PSMD14: variants seen among roughly 807,000 people sequenced by gnomAD.
PSMD14 encodes proteasome 26S subunit, non-ATPase 14, also known as ubiquitin C-terminal hydrolase PSMD14.
In PSMD14, 7 loss-of-function variants were observed where a neutral mutation model predicts 41.2. The observed-to-expected ratio is 0.17, with a 90% confidence interval of 0.10 to 0.32. The LOEUF (loss-of-function observed/expected upper bound fraction) is 0.32, where lower values mean the gene tolerates loss of function less well. PSMD14 is among the 10% of genes least tolerant of loss of function. PSMD14 has a pLI of 1.00. For missense variants in PSMD14, 139 were observed against 375.6 expected, an observed-to-expected ratio of 0.37 and a Z score of 5.21; for synonymous variants, 114 against 122.3, an observed-to-expected ratio of 0.93 and a Z score of 0.45.
intron 3 of PSMD14, among the ~76,000 whole-genome samples, chr2:161,353,645 A>G (rs1444753043): frequency 2.0e-5 from 3 of 152,156 alleles, no homozygotes; most frequent in Admixed American, 1.3e-4. Context: ...GATTGCTGTC[A>G]CTTATGTGTG....
chr2:161,325,389 A>G lies in PSMD14; in HGVS notation c.48+6516A>G, dbSNP rs185723683. ...TCCTCACAGTGTATGGATTTTTTGT[A>G]TATTCACTAATAACTTTTTCTGGTT... On this transcript the variant is annotated intron_variant, in intron 3 of 11. Coordinates refer to ENST00000409682, the MANE Select transcript of PSMD14 (RefSeq NM_005805.6). 3.7e-4 allele frequency among the ~76,000 whole-genome samples: 57 copies of G among 152,308 alleles called. 1 individual carries two copies. The East Asian group carries it at 7.1e-3, about 19-fold the overall frequency.
intron 10 of PSMD14, among the ~76,000 whole-genome samples, chr2:161,402,108 A>G (rs1483625445): frequency 6.6e-6 from 1 of 152,222 alleles, no homozygotes; most frequent in African/African-American, 2.4e-5. Flanking sequence ...CATTCTGACT[A>G]AATTCTTGAA....
chr2:161,388,525 C>T (rs1683663869), intron 8 of PSMD14, among the ~76,000 whole-genome samples: 1 of 151,868 alleles, frequency 6.6e-6, no homozygotes, highest in African/African-American at 2.4e-5. Context: ...TTAGCAAAAA[C>T]TCTCCCTTCC....
chr2:161,340,741 T>C, intron 3 of PSMD14: 2 of 1,608,294 alleles, frequency 1.2e-6, no homozygotes, highest in Admixed American at 1.7e-5. Context: ...CTCTCTGGGG[T>C]TTCCATTTTA....
intron 6 of PSMD14, 107 bp from the exon 7 acceptor site, chr2:161,371,064 GT>G: frequency 7.9e-7 from 1 of 1,269,096 alleles, no homozygotes; most frequent in Non-Finnish European, 1.1e-6. Flanking sequence ...ACACCTGTGT[GT>G]TTTTCATCTC....
At chr2:161,373,743 G>A (rs545256496) in intron 7 of PSMD14, among the ~76,000 whole-genome samples, 1 of 151,746 alleles carries the variant, frequency 6.6e-6, no homozygotes, top group African/African-American at 2.4e-5. Context: ...TGAACATTTT[G>A]TATATTTCCA....
In PSMD14 at chr2:161,357,076, C is replaced by CTTTTTTTTTTTTTTTTTTTTTTT. The variant is rs71281822; in HGVS notation, c.49-10390_49-10389insTTTTTTTTTTTTTTTTTTTTTTT. ...TTTATGCTGTTATAATGGCAAATGC[C>CTTTTTTTTTTTTTTTTTTTTTTT]TTTTTTTTTTTTAGCACTTAGTCAA... is the stretch of plus-strand genomic sequence containing the variant. On this transcript the variant is annotated intron_variant, in intron 3 of 11. Transcript: ENST00000409682. 1.1e-3 allele frequency among the ~76,000 whole-genome samples: 142 copies of CTTTTTTTTTTTTTTTTTTTTTTT among 124,134 alleles called. 12 individuals are homozygous for CTTTTTTTTTTTTTTTTTTTTTTT. Among genetic ancestry groups the CTTTTTTTTTTTTTTTTTTTTTTT allele is most frequent in the African/African-American group, 2.5e-3 (80 of 31,458 alleles). The allele number at this position is 124,134 out of a possible 152,430, so 81.4% of individuals were successfully genotyped here. A position where few individuals can be genotyped will look rare whatever the true frequency, so the allele number is the denominator to read the frequency against.
At chr2:161,347,354 C>T (rs1481843033) in intron 3 of PSMD14, among the ~76,000 whole-genome samples, 2 of 152,090 alleles carry the variant, frequency 1.3e-5, no homozygotes, top group Admixed American at 1.3e-4. Context: ...CTTGCTATAT[C>T]AACAGGCTGG....
intron 3 of PSMD14, among the ~76,000 whole-genome samples, chr2:161,325,677 A>G (rs1163137199): frequency 1.3e-5 from 2 of 152,228 alleles, no homozygotes; most frequent in African/African-American, 4.8e-5. Context: ...TAGAATTCAT[A>G]TAGGAAAAAA....
At chr2:161,318,038 A>C (rs551462795) in intron 2 of PSMD14, among the ~76,000 whole-genome samples, 2 of 152,302 alleles carry the variant, frequency 1.3e-5, no homozygotes, top group Admixed American at 1.3e-4. Context: ...AGCTTGTAAG[A>C]GTATCTTCTG....
intron 3 of PSMD14, among the ~76,000 whole-genome samples, chr2:161,360,157 T>C (rs1481963941): frequency 6.6e-6 from 1 of 151,866 alleles, no homozygotes; most frequent in African/African-American, 2.4e-5. Flanking sequence ...GATAAACAGC[T>C]TTTTTCCACC....
At chr2:161,336,049 G>A (rs953914576) in intron 3 of PSMD14, among the ~76,000 whole-genome samples, 7 of 152,174 alleles carry the variant, frequency 4.6e-5, no homozygotes, top group African/African-American at 7.2e-5. Context: ...GCCTAGAGGC[G>A]TATGTTTAAT....
At chr2:161,392,417 T>C (rs1683724540) in intron 9 of PSMD14, among the ~76,000 whole-genome samples, 1 of 152,180 alleles carries the variant, frequency 6.6e-6, no homozygotes, top group African/African-American at 2.4e-5. Context: ...TTCTGGTACA[T>C]GGCAAGTGGC....
intron 3 of PSMD14, among the ~76,000 whole-genome samples, chr2:161,363,430 A>G (rs748386128): frequency 6.6e-6 from 1 of 152,238 alleles, no homozygotes; most frequent in Non-Finnish European, 1.5e-5. Context: ...TGTTTCTCCT[A>G]GTGTGATTTT....
At chr2:161,389,163 A>G (rs1683673217) in intron 8 of PSMD14, among the ~76,000 whole-genome samples, 1 of 152,162 alleles carries the variant, frequency 6.6e-6, no homozygotes, top group African/African-American at 2.4e-5. Flanking sequence ...TCTCAAAAAT[A>G]TAGGGCCTAG....
chr2:161,366,664 A>G (rs1488102800), intron 3 of PSMD14, among the ~76,000 whole-genome samples: 1 of 152,068 alleles, frequency 6.6e-6, no homozygotes, highest in East Asian at 1.9e-4. Flanking sequence ...AAAAAACAAG[A>G]AGCTTTTTAG....
intron 3 of PSMD14, among the ~76,000 whole-genome samples, chr2:161,352,395 C>A (rs1683130638): frequency 6.6e-6 from 1 of 152,170 alleles, no homozygotes; most frequent in Admixed American, 6.5e-5. Context: ...TATTTACTTT[C>A]TGGGGAGGCG....
At chr2:161,398,391 C>A (rs1440914364) in intron 10 of PSMD14, among the ~76,000 whole-genome samples, 1 of 151,952 alleles carries the variant, frequency 6.6e-6, no homozygotes, top group Non-Finnish European at 1.5e-5. Context: ...TTCTTACGTC[C>A]CAAGTTTTCA....
intron 8 of PSMD14, among the ~76,000 whole-genome samples, chr2:161,389,726 G>A (rs1477062752): frequency 6.6e-6 from 1 of 151,368 alleles, no homozygotes; most frequent in African/African-American, 2.4e-5. Context: ...AAAGTAAATA[G>A]ACTTAATCCA....
Sources: allele counts gnomAD v4.1 joint callset (sites outside exome capture counted in the v4.1 genomes callset), GRCh38; gene constraint gnomAD v4.1.1; transcripts MANE v1.5; gene names NCBI Gene and HGNC (gene_info 2026-07-23, HGNC 2026-07-21).